The following PCBP3 variants were observed in gnomAD, a reference collection of about 807,000 sequenced individuals.
PCBP3 encodes the protein poly(rC) binding protein 3.
PCBP3 carries 25 observed loss-of-function variants against 52.7 expected under a neutral mutation model. The ratio of observed to expected loss-of-function variants is 0.47; its 90% CI spans 0.35 to 0.66. The LOEUF is 0.66. Among genes scored for constraint, PCBP3 ranks in the 30% least tolerant of loss-of-function variants. The pLI, the probability that PCBP3 is intolerant of heterozygous loss-of-function variation, is 0.01. For synonymous variants in PCBP3, 162 were observed against 183.0 expected (o/e 0.89, Z 0.93); for missense variants, 391 against 490.3 (o/e 0.80, Z 1.91).
At chr21:45,858,572 C>A (rs1203599663) in intron 5 of PCBP3, 1 of 152,202 alleles carries the variant, frequency 6.6e-6, no homozygotes, top group African/African-American at 2.4e-5. Context: ...CTATCTGCAG[C>A]TGTCTGCTTA....
chr21:45,888,833 A>G (rs2148891689), intron 5 of PCBP3, among the ~76,000 whole-genome samples: 1 of 152,368 alleles, frequency 6.6e-6, no homozygotes, highest in Admixed American at 6.5e-5. Context: ...CACCTTAAAC[A>G]CACGTGGACA....
intron 16 of PCBP3, chr21:45,935,564 C>A: frequency 1.7e-6 from 1 of 598,922 alleles, no homozygotes; most frequent in African/African-American, 1.8e-5. Flanking sequence ...AATCAGTAGT[C>A]AGATGAGAGT....
intron 2 of PCBP3, among the ~76,000 whole-genome samples, chr21:45,696,722 C>T (rs1358854438): frequency 2.0e-5 from 3 of 151,214 alleles, no homozygotes; most frequent in African/African-American, 4.9e-5. Flanking sequence ...ACCCGGGAGG[C>T]AGAGGTTGCA....
At chr21:45,743,394 T>A (rs2086590911) in intron 3 of PCBP3, among the ~76,000 whole-genome samples, 1 of 152,236 alleles carries the variant, frequency 6.6e-6, no homozygotes, top group African/African-American at 2.4e-5. Flanking sequence ...TTTTCTTTTA[T>A]TGCTATTTAT....
chr21:45,658,417 C>CCT (rs2146998683), intron 1 of PCBP3, among the ~76,000 whole-genome samples: 1 of 152,260 alleles, frequency 6.6e-6, no homozygotes, highest in South Asian at 2.1e-4. Flanking sequence ...GACTCTCCTG[C>CCT]CTCAGCCTCC....
chr21:45,683,698 G>A (rs1297330646), intron 2 of PCBP3, among the ~76,000 whole-genome samples: 1 of 151,986 alleles, frequency 6.6e-6, no homozygotes, highest in Non-Finnish European at 1.5e-5. Context: ...AGACTAAGGC[G>A]GGCAGATCAC....
Position 45,735,752 on chromosome 21 carries a change from A to AGT in PCBP3, c.-162+325_-162+326dup, listed in dbSNP as rs2085819830. ...AGCAGGAGCTGGAGGGCCAGTTGTT[A>AGT]GTGCACTTGGAGCCTACTGCACGAG... On this transcript the variant is annotated intron_variant, in intron 3 of 17. Transcript: ENST00000681687. This position sits in a 1 kb window ranked among gnomAD's most constrained non-coding sequence, Gnocchi z 4.0. Among the ~76,000 whole-genome samples, 1 of 152,228 alleles carries AGT rather than the reference A, an allele frequency of 6.6e-6. No individual in the cohort carries two copies. Among genetic ancestry groups the AGT allele is most frequent in the South Asian group, 2.1e-4 (1 of 4,834 alleles).
chr21:45,734,591 G>A (rs552465946), intron 2 of PCBP3, among the ~76,000 whole-genome samples: 2 of 151,616 alleles, frequency 1.3e-5, no homozygotes, highest in East Asian at 1.9e-4. Context: ...TCTCAACTCC[G>A]TTTCCAACTC....
chr21:45,820,558 C>G (rs2093102397), intron 4 of PCBP3, among the ~76,000 whole-genome samples: 1 of 152,186 alleles, frequency 6.6e-6, no homozygotes, highest in Non-Finnish European at 1.5e-5. Flanking sequence ...TGCTGGAAGG[C>G]AGCTGCAGAC....
intron 4 of PCBP3, among the ~76,000 whole-genome samples, 70 bp downstream of exon 4, chr21:45,755,522 T>C (rs953421910): frequency 4.6e-5 from 7 of 152,238 alleles, no homozygotes; most frequent in Non-Finnish European, 8.8e-5. Flanking sequence ...CACCAGTCAG[T>C]GTACATTCCC....
chr21:45,914,212 T>G (rs1173652801), intron 12 of PCBP3, 187 bp downstream of exon 12: 5 of 927,638 alleles, frequency 5.4e-6, no homozygotes, highest in Non-Finnish European at 7.9e-6. Context: ...CAGAGCGGCA[T>G]TCCCCCACAG....
chr21:45,785,522 C>A (rs2091074336), intron 4 of PCBP3, among the ~76,000 whole-genome samples: 1 of 148,658 alleles, frequency 6.7e-6, no homozygotes, highest in Admixed American at 6.6e-5. Context: ...GGGGGTCAGC[C>A]CCCCGCCCGG....
intron 16 of PCBP3, among the ~76,000 whole-genome samples, chr21:45,935,702 T>A (rs1603559009): frequency 1.3e-5 from 2 of 152,340 alleles, no homozygotes; most frequent in East Asian, 3.9e-4. Context: ...CCCTGGCCCC[T>A]CAGGAGGTTT....
chr21:45,862,079 G>A (rs1271004480), intron 5 of PCBP3, among the ~76,000 whole-genome samples: 1 of 149,288 alleles, frequency 6.7e-6, no homozygotes, highest in East Asian at 2.1e-4. Flanking sequence ...TAGTTTTCTT[G>A]AGCCTTTTTA....
At chr21:45,743,556 C>T (rs1006312712) in intron 3 of PCBP3, among the ~76,000 whole-genome samples, 3 of 152,082 alleles carry the variant, frequency 2.0e-5, no homozygotes, top group East Asian at 1.9e-4. Flanking sequence ...GAATAAACCC[C>T]GTTAGGCCAT....
At chr21:45,684,602 GCTTT>G (rs1435687434) in intron 2 of PCBP3, among the ~76,000 whole-genome samples, 1 of 152,094 alleles carries the variant, frequency 6.6e-6, no homozygotes, top group South Asian at 2.1e-4. Flanking sequence ...CCTGCTCCTT[GCTTT>G]CTTTCTGTTT....
chr21:45,816,369 T>C (rs1030106621), intron 4 of PCBP3, among the ~76,000 whole-genome samples: 1 of 151,554 alleles, frequency 6.6e-6, no homozygotes, highest in Admixed American at 6.6e-5. Flanking sequence ...AAACACATTG[T>C]ATGCAGCTAC....
At chr21:45,647,358 C>T (rs746619106) in intron 1 of PCBP3, among the ~76,000 whole-genome samples, 34 of 152,194 alleles carry the variant, frequency 2.2e-4, no homozygotes, top group Non-Finnish European at 3.7e-4. Flanking sequence ...GGGAATGAGA[C>T]AGAGTTCTTA....
chr21:45,849,532 T>C (rs2093913125), intron 4 of PCBP3, among the ~76,000 whole-genome samples: 1 of 151,992 alleles, frequency 6.6e-6, no homozygotes, highest in East Asian at 1.9e-4. Context: ...TTTCCAAGTC[T>C]CTCCTCTAAG....
Sources: gnomAD v4.1 joint callset for allele counts (sites outside exome capture counted in the v4.1 genomes callset) on GRCh38, gnomAD v4.1.1 for gene constraint, Gnocchi (gnomAD v3.1) non-coding constraint, MANE v1.5 for transcripts, NCBI Gene and HGNC (gene_info 2026-07-23, HGNC 2026-07-21) for gene names.